Variants in KAZN observed in about 807,000 individuals in gnomAD.
The protein encoded by KAZN is kazrin.
Under a neutral mutation model 87.4 loss-of-function variants are expected in KAZN, and 40 were observed. The ratio of observed to expected loss-of-function variants is 0.46; its 90% CI spans 0.36 to 0.60. The LOEUF (loss-of-function observed/expected upper bound fraction) is 0.60, where lower values mean the gene tolerates loss of function less well. Among genes scored for constraint, KAZN ranks in the 20% least tolerant of loss-of-function variants. The pLI is 0.00. For synonymous variants in KAZN, 466 were observed against 458.3 expected, an observed-to-expected ratio of 1.02 and a Z score of -0.22; for missense variants, 898 against 1,073.9, an observed-to-expected ratio of 0.84 and a Z score of 2.29.
intron 2 of KAZN, among the ~76,000 whole-genome samples, chr1:14,447,465 T>G (rs1571671743): frequency 2.0e-5 from 3 of 151,920 alleles, no homozygotes; most frequent in Non-Finnish European, 4.4e-5. Flanking sequence ...GGTCTCGATC[T>G]TTTCACTCGG....
intron 2 of KAZN, among the ~76,000 whole-genome samples, chr1:14,334,738 G>T (rs1455865483): frequency 6.6e-6 from 1 of 152,218 alleles, no homozygotes; most frequent in African/African-American, 2.4e-5. Flanking sequence ...GTTGGCAGAA[G>T]GTAGAGTTCC....
At chr1:14,304,201 A>G (rs1018884515) in intron 2 of KAZN, among the ~76,000 whole-genome samples, 5 of 152,250 alleles carry the variant, frequency 3.3e-5, no homozygotes, top group Admixed American at 6.5e-5. Flanking sequence ...TTCAGAATTC[A>G]TGCAAAGAGC....
chr1:14,162,528 ATCTTT>A (rs1482565862), intron 1 of KAZN, among the ~76,000 whole-genome samples: 2 of 149,266 alleles, frequency 1.3e-5, no homozygotes, highest in Non-Finnish European at 1.5e-5. Flanking sequence ...TCTTGGTTTT[ATCTTT>A]TCTTTTCTTT....
chr1:14,575,950 G>A (rs189109998), intron 2 of KAZN, among the ~76,000 whole-genome samples: 107 of 152,270 alleles, frequency 7.0e-4, no homozygotes, highest in Non-Finnish European at 1.2e-3. Flanking sequence ...CCCCTTAGGT[G>A]AACATTTTGT....
At chr1:14,150,155 A>G (rs1645441625) in intron 1 of KAZN, among the ~76,000 whole-genome samples, 1 of 152,222 alleles carries the variant, frequency 6.6e-6, no homozygotes, top group Admixed American at 6.5e-5. Context: ...CCAGAGACGA[A>G]GGACTTGCCA....
intron 1 of KAZN, among the ~76,000 whole-genome samples, chr1:14,801,528 G>C (rs375916685): frequency 6.6e-5 from 10 of 152,132 alleles, no homozygotes; most frequent in African/African-American, 2.2e-4. Context: ...ACACCTCCCC[G>C]GGAAGGAGCA....
At chr1:14,262,966 G>C (rs890978868) in intron 2 of KAZN, among the ~76,000 whole-genome samples, 1 of 152,196 alleles carries the variant, frequency 6.6e-6, no homozygotes, top group African/African-American at 2.4e-5. Flanking sequence ...TTCCTACCGT[G>C]TGATCCGTGG....
intron 2 of KAZN, among the ~76,000 whole-genome samples, chr1:15,013,278 A>T (rs1411405667): frequency 6.6e-6 from 1 of 152,226 alleles, no homozygotes; most frequent in African/African-American, 2.4e-5. Context: ...ATAGCAGGAA[A>T]CAAAATAGGA....
intron 1 of KAZN, among the ~76,000 whole-genome samples, chr1:14,894,440 T>G (rs918391636): frequency 5.3e-5 from 8 of 152,214 alleles, no homozygotes; most frequent in African/African-American, 1.9e-4. Context: ...GTAACAGTCC[T>G]CACTGTGTTA....
rs536430860 is a variant in KAZN at position 14,208,301 on chromosome 1, T to C, written c.249+27709T>C. ...TTTAATTCTAGAAGTATTTCTCATA[T>C]AAACATATACATGGTTGTCAATAGT... On this transcript the variant is annotated intron_variant, in intron 2 of 16. Transcript: ENST00000636203. Among the ~76,000 whole-genome samples, 10 of 152,376 alleles carry C rather than the reference T, an allele frequency of 6.6e-5. No homozygotes were observed. The East Asian group carries it at 1.7e-3, about 26-fold the overall frequency.
rs993347824 is a variant in KAZN at position 14,735,374 on chromosome 1, CAA to C, written c.226+136153_226+136154del. The stretch of plus-strand genomic sequence containing the variant: ...CGCGCCCGGCCCGTGCTGTTGTTTT[CAA>C]AGACACGTTTATTCTTGAAGGGAAC... On this transcript the variant is annotated intron_variant, in intron 1 of 14. Coordinates refer to ENST00000376030, the MANE Select transcript of KAZN (RefSeq NM_201628.3). This position sits in a 1 kb window ranked among gnomAD's most constrained non-coding sequence, Gnocchi z 4.3. Among the ~76,000 whole-genome samples, 1 of 152,186 alleles carries C rather than the reference CAA, an allele frequency of 6.6e-6. No individual in the cohort carries two copies. The highest frequency in any genetic ancestry group is 2.4e-5 in the African/African-American group (1 of 41,454).
intron 2 of KAZN, among the ~76,000 whole-genome samples, chr1:14,551,672 A>G (rs1403635768): frequency 6.6e-6 from 1 of 152,172 alleles, no homozygotes; most frequent in African/African-American, 2.4e-5. Context: ...TAGTGGGTGG[A>G]GGGAGCGAGG....
chr1:13,919,118 CA>C (rs1471358401), intron 1 of KAZN, among the ~76,000 whole-genome samples: 1 of 152,220 alleles, frequency 6.6e-6, no homozygotes, highest in Non-Finnish European at 1.5e-5. Context: ...AGTGAGTTAT[CA>C]CAAGTGAATA....
chr1:14,297,002 G>C (rs1429230461), intron 2 of KAZN, among the ~76,000 whole-genome samples: 1 of 152,184 alleles, frequency 6.6e-6, no homozygotes, highest in Admixed American at 6.5e-5. Flanking sequence ...ATGTGCATGT[G>C]TGTGTGTGTG....
At chr1:14,303,964 TC>T (rs1188879952) in intron 2 of KAZN, among the ~76,000 whole-genome samples, 1 of 152,160 alleles carries the variant, frequency 6.6e-6, no homozygotes, top group East Asian at 1.9e-4. Flanking sequence ...AAACAACCCT[TC>T]CTCCAGAGTA....
At chr1:14,715,773 G>A (rs1230272269) in intron 1 of KAZN, among the ~76,000 whole-genome samples, 1 of 152,174 alleles carries the variant, frequency 6.6e-6, no homozygotes, top group East Asian at 1.9e-4. Flanking sequence ...TTTGGGTTAA[G>A]TCGGTATTTA....
intron 2 of KAZN, among the ~76,000 whole-genome samples, chr1:14,581,772 C>T (rs1033340346): frequency 1.3e-5 from 2 of 152,154 alleles, no homozygotes; most frequent in African/African-American, 4.8e-5. Context: ...CTTTGCCCTC[C>T]CTAGAAATCT....
chr1:14,471,555 A>G (rs1424245249), intron 2 of KAZN, among the ~76,000 whole-genome samples: 1 of 152,140 alleles, frequency 6.6e-6, no homozygotes, highest in Non-Finnish European at 1.5e-5. Context: ...TAGAGGCGTG[A>G]CAATGCTGAA....
chr1:14,057,118 TTTTTTTG>T (rs924315090), intron 1 of KAZN, among the ~76,000 whole-genome samples: 1 of 151,836 alleles, frequency 6.6e-6, no homozygotes, highest in African/African-American at 2.4e-5. Flanking sequence ...TTAACATTCT[TTTTTTTG>T]TTTTTTGTTT....
Sources: allele counts gnomAD v4.1 joint callset (sites outside exome capture counted in the v4.1 genomes callset), GRCh38; gene constraint gnomAD v4.1.1; non-coding constraint Gnocchi (gnomAD v3.1); transcripts MANE v1.5; gene names NCBI Gene and HGNC (gene_info 2026-07-23, HGNC 2026-07-21).